The following AUTS2 variants were observed in gnomAD, a reference collection of about 807,000 sequenced individuals.
The protein encoded by AUTS2 is activator of transcription and developmental regulator AUTS2.
In AUTS2, 17 loss-of-function variants were observed where a neutral mutation model predicts 112.4. The ratio of observed to expected loss-of-function variants is 0.15; its 90% CI spans 0.10 to 0.23. AUTS2 has a LOEUF of 0.23. Ranked by LOEUF, AUTS2 falls within the 10% of genes least tolerant of loss-of-function variation. The pLI is 1.00. For missense variants in AUTS2, 1,510 were observed against 1,701.6 expected (o/e 0.89, Z 1.98); for synonymous variants, 751 against 702.7 (o/e 1.07, Z -1.09).
At chr7:70,239,857 A>G (rs1382719585) in intron 4 of AUTS2, among the ~76,000 whole-genome samples, 1 of 152,206 alleles carries the variant, frequency 6.6e-6, no homozygotes, top group Non-Finnish European at 1.5e-5. Flanking sequence ...TGTACATAAG[A>G]ATGGAGGAGA....
chr7:70,227,918 G>A (rs1811850728), intron 4 of AUTS2, among the ~76,000 whole-genome samples: 1 of 152,082 alleles, frequency 6.6e-6, no homozygotes, highest in Admixed American at 6.5e-5. Flanking sequence ...TTGGGGTGGA[G>A]TGTTCTTAGG....
At chr7:70,458,357 C>A (rs1796829187) in intron 5 of AUTS2, among the ~76,000 whole-genome samples, 1 of 152,204 alleles carries the variant, frequency 6.6e-6, no homozygotes. Context: ...TTGCGCCTGG[C>A]TCCCCCCAGC....
chr7:70,680,115 G>C (rs949324228), intron 5 of AUTS2, among the ~76,000 whole-genome samples: 1 of 152,180 alleles, frequency 6.6e-6, no homozygotes, highest in Non-Finnish European at 1.5e-5. Flanking sequence ...TGAGAGTGGG[G>C]AGGAGGGTGG....
At chr7:70,382,186 G>A (rs938527648) in intron 4 of AUTS2, among the ~76,000 whole-genome samples, 7 of 152,082 alleles carry the variant, frequency 4.6e-5, no homozygotes, top group Non-Finnish European at 7.4e-5. Flanking sequence ...CCTGAAGATC[G>A]TCATTGGCTG....
intron 1 of AUTS2, among the ~76,000 whole-genome samples, chr7:69,773,308 C>G (rs895817003): frequency 6.6e-6 from 1 of 151,966 alleles, no homozygotes; most frequent in Non-Finnish European, 1.5e-5. Context: ...CACTCAAGGC[C>G]GTTCATTCAA....
At chr7:69,610,451 C>A (rs1361652824) in intron 1 of AUTS2, among the ~76,000 whole-genome samples, 1 of 152,104 alleles carries the variant, frequency 6.6e-6, no homozygotes, top group Admixed American at 6.5e-5. Context: ...AATATGAGTC[C>A]TTTTTATCAA....
intron 5 of AUTS2, among the ~76,000 whole-genome samples, chr7:70,663,518 G>C (rs755401139): frequency 3.9e-5 from 6 of 152,042 alleles, no homozygotes; most frequent in Non-Finnish European, 7.3e-5. Flanking sequence ...GGATCTTGCT[G>C]GTTGGCCCTG....
rs2129557576 is a variant in AUTS2, at chr7:70,766,949, G to T, written c.1689+615G>T. Among the ~76,000 whole-genome samples, 1 of 152,354 alleles carries T rather than the reference G, an allele frequency of 6.6e-6. No individual in the cohort carries two copies. Among genetic ancestry groups the T allele is most frequent in the Admixed American group, 6.5e-5 (1 of 15,310 alleles). ...AGAACGCTCTGCCTTGGGGCAAGAG[G>T]AACCACTGGCCATGACATGGTCTTG... On this transcript the variant is annotated intron_variant, in intron 9 of 18. Transcript: ENST00000342771. The surrounding 1 kb of genome is among the most constrained non-coding windows in gnomAD (Gnocchi z 4.8).
At chr7:69,616,334 T>C (rs1793373287) in intron 1 of AUTS2, among the ~76,000 whole-genome samples, 1 of 152,204 alleles carries the variant, frequency 6.6e-6, no homozygotes, top group African/African-American at 2.4e-5. Flanking sequence ...TCCTCCCTTG[T>C]ACAGCATCTA....
intron 1 of AUTS2, among the ~76,000 whole-genome samples, chr7:69,618,657 TA>T (rs35040565): frequency 6.6e-6 from 1 of 152,268 alleles, no homozygotes; most frequent in South Asian, 2.1e-4. Flanking sequence ...TAAATTTGTC[TA>T]AAAATGTATG....
At chr7:70,236,477 A>ATACT (rs1262453489) in intron 4 of AUTS2, among the ~76,000 whole-genome samples, 1 of 152,136 alleles carries the variant, frequency 6.6e-6, no homozygotes, top group African/African-American at 2.4e-5. Flanking sequence ...AGCTAGGTTA[A>ATACT]TACTGTCTTC....
intron 1 of AUTS2, among the ~76,000 whole-genome samples, chr7:69,803,556 C>A (rs757790014): frequency 6.7e-6 from 1 of 150,250 alleles, no homozygotes; most frequent in Non-Finnish European, 1.5e-5. Flanking sequence ...TAGTTGTTAA[C>A]AGTTACAGAA....
rs550475875 is a variant in AUTS2 at position 70,598,931 on chromosome 7, A to G, written c.691-99638A>G. ...AAACAGATTTCCAAACTCTTTATCA[A>G]ATGATCCCACTTGGAAACAAGACAT... On this transcript the variant is annotated intron_variant, in intron 5 of 18. Transcript: ENST00000342771. Among the ~76,000 whole-genome samples, 3 of 152,340 alleles carry G rather than the reference A, an allele frequency of 2.0e-5. No individual in the cohort carries two copies. The East Asian group carries it at 5.8e-4, about 29-fold the overall frequency.
intron 5 of AUTS2, among the ~76,000 whole-genome samples, chr7:70,509,001 C>T (rs1188284888): frequency 1.3e-5 from 2 of 152,180 alleles, no homozygotes; most frequent in Non-Finnish European, 2.9e-5. Flanking sequence ...TGGTTGCATA[C>T]TTTTCTCCTT....
At chr7:70,249,247 A>G (rs1813086326) in intron 4 of AUTS2, among the ~76,000 whole-genome samples, 1 of 152,096 alleles carries the variant, frequency 6.6e-6, no homozygotes, top group African/African-American at 2.4e-5. Flanking sequence ...TTTTTTGCGT[A>G]ACCTGCTTAG....
At chr7:70,657,151 A>G (rs990712730) in intron 5 of AUTS2, among the ~76,000 whole-genome samples, 2 of 152,172 alleles carry the variant, frequency 1.3e-5, no homozygotes, top group Admixed American at 6.5e-5. Flanking sequence ...AAGCCCAAGG[A>G]TGAGTGGCTG....
intron 1 of AUTS2, among the ~76,000 whole-genome samples, chr7:69,606,485 T>G (rs1325996752): frequency 1.3e-5 from 2 of 152,226 alleles, no homozygotes; most frequent in Non-Finnish European, 2.9e-5. Flanking sequence ...GCTTTACATT[T>G]TATTTTATTT....
chr7:70,461,494 A>G (rs1796961215), intron 5 of AUTS2, among the ~76,000 whole-genome samples: 1 of 152,102 alleles, frequency 6.6e-6, no homozygotes, highest in Non-Finnish European at 1.5e-5. Flanking sequence ...CAGGCTTCCC[A>G]CCATTTTCCT....
chr7:70,069,098 T>C (rs1802634392), intron 2 of AUTS2, among the ~76,000 whole-genome samples: 1 of 152,204 alleles, frequency 6.6e-6, no homozygotes, highest in Non-Finnish European at 1.5e-5. Context: ...CTACCAGGGC[T>C]TCCAAGTGAT....
Sources: gnomAD v4.1 joint callset for allele counts (sites outside exome capture counted in the v4.1 genomes callset) on GRCh38, gnomAD v4.1.1 for gene constraint, Gnocchi (gnomAD v3.1) non-coding constraint, MANE v1.5 for transcripts, NCBI Gene and HGNC (gene_info 2026-07-23, HGNC 2026-07-21) for gene names.